GTF2E2: variants seen among roughly 807,000 people sequenced by gnomAD.
GTF2E2 encodes the protein general transcription factor IIE subunit 2.
A neutral mutation model predicts 40.5 loss-of-function variants in GTF2E2; 21 were observed. The ratio of observed to expected loss-of-function variants is 0.52; its 90% CI spans 0.37 to 0.75. GTF2E2 has a LOEUF of 0.75. Ranked by LOEUF, GTF2E2 falls within the 30% of genes least tolerant of loss-of-function variation. The pLI, the probability that GTF2E2 is intolerant of heterozygous loss-of-function variation, is 0.00. For missense variants in GTF2E2, 298 were observed against 338.4 expected (o/e 0.88, Z 0.94); for synonymous variants, 117 against 121.6 (o/e 0.96, Z 0.25).
intron 6 of GTF2E2, among the ~76,000 whole-genome samples, chr8:30,587,391 C>A (rs1406106532): frequency 9.5e-5 from 14 of 147,434 alleles, no homozygotes; most frequent in African/African-American, 3.5e-4. Context: ...ACAATCTGGG[C>A]AACAAAATGA....
chr8:30,589,689 C>G (rs978080388), intron 6 of GTF2E2, among the ~76,000 whole-genome samples: 2 of 152,220 alleles, frequency 1.3e-5, no homozygotes, highest in Non-Finnish European at 2.9e-5. Context: ...GACCTGCTAT[C>G]TGGACATCTG....
At chr8:30,651,232 C>T (rs893692043) in intron 2 of GTF2E2, among the ~76,000 whole-genome samples, 13 of 151,572 alleles carry the variant, frequency 8.6e-5, no homozygotes, top group Non-Finnish European at 1.9e-4. Flanking sequence ...AAGTTCACAC[C>T]GGAAAGAAAG....
intron 6 of GTF2E2, among the ~76,000 whole-genome samples, chr8:30,590,927 A>G (rs575129814): frequency 4.6e-5 from 7 of 152,164 alleles, no homozygotes; most frequent in African/African-American, 1.7e-4. Context: ...CTAACCTCGG[A>G]TGATCCACCT....
In GTF2E2 at chr8:30,629,050, ACATTC is replaced by A. The variant is rs760356349; in HGVS notation, c.258+5977_258+5981del. ...TAATTTTCAAATATTAACCACTCAT[ACATTC>A]CTAAACTTTACTCCATCACAATGTA... is the stretch of plus-strand genomic sequence containing the variant. On this transcript the variant is annotated intron_variant, in intron 3 of 7. Coordinates refer to ENST00000355904, the MANE Select transcript of GTF2E2 (RefSeq NM_002095.6). 4.5e-4 allele frequency among the ~76,000 whole-genome samples: 69 copies of A among 152,294 alleles called. 1 individual carries two copies. Among genetic ancestry groups the A allele is most frequent in the African/African-American group, 1.6e-3 (68 of 41,550 alleles).
chr8:30,656,585 G>A (rs1023280787), intron 1 of GTF2E2, among the ~76,000 whole-genome samples: 1 of 152,162 alleles, frequency 6.6e-6, no homozygotes, highest in Non-Finnish European at 1.5e-5. Flanking sequence ...GAGGAGGGCG[G>A]ATCACGAGGT....
At chr8:30,654,986 A>AT (rs1183882815) in intron 1 of GTF2E2, among the ~76,000 whole-genome samples, 3 of 152,152 alleles carry the variant, frequency 2.0e-5, no homozygotes, top group African/African-American at 7.2e-5. Flanking sequence ...CATGTCTGTA[A>AT]TCCCAGCACT....
At chr8:30,600,352 A>G (rs1341499159) in intron 6 of GTF2E2, among the ~76,000 whole-genome samples, 2 of 152,176 alleles carry the variant, frequency 1.3e-5, no homozygotes, top group Non-Finnish European at 2.9e-5. Flanking sequence ...GTACTATTTT[A>G]TTTTTCCGAT....
chr8:30,623,680 G>A (rs1036718480), intron 3 of GTF2E2, among the ~76,000 whole-genome samples: 29 of 151,966 alleles, frequency 1.9e-4, no homozygotes, highest in Non-Finnish European at 1.8e-4. Context: ...AGCACCTGTT[G>A]TTTCCTGACT....
At chr8:30,590,159 T>C (rs1828803770) in intron 6 of GTF2E2, among the ~76,000 whole-genome samples, 1 of 152,198 alleles carries the variant, frequency 6.6e-6, no homozygotes, top group Non-Finnish European at 1.5e-5. Flanking sequence ...TTCCCAGGAA[T>C]ATCATAAACA....
At chr8:30,620,295 CCTTT>C (rs1438495875) in intron 3 of GTF2E2, among the ~76,000 whole-genome samples, 2 of 151,820 alleles carry the variant, frequency 1.3e-5, no homozygotes, top group Non-Finnish European at 2.9e-5. Context: ...CACATTCATT[CCTTT>C]GAGATCTATA....
intron 6 of GTF2E2, among the ~76,000 whole-genome samples, chr8:30,599,415 T>C (rs1404451542): frequency 6.6e-6 from 1 of 151,934 alleles, no homozygotes; most frequent in Non-Finnish European, 1.5e-5. Context: ...CTGTCTCTAC[T>C]AAAAACACAA....
chr8:30,635,548 A>T (rs548416333), intron 2 of GTF2E2, among the ~76,000 whole-genome samples: 112 of 151,932 alleles, frequency 7.4e-4, no homozygotes, highest in African/African-American at 2.6e-3. Flanking sequence ...ATGCCTGGCT[A>T]ATTTTTTTAT....
At chr8:30,648,511 T>C (rs1042049967) in intron 2 of GTF2E2, among the ~76,000 whole-genome samples, 1 of 152,200 alleles carries the variant, frequency 6.6e-6, no homozygotes, top group Non-Finnish European at 1.5e-5. Flanking sequence ...TATTTCCAGC[T>C]CTCTTCATTA....
chr8:30,579,013 G>T lies in GTF2E2; in HGVS notation c.784C>A (p.Pro262Thr), dbSNP rs769080148. 6.2e-7 allele frequency: 1 copy of T among 1,603,266 alleles called. No homozygotes were observed. Among genetic ancestry groups the T allele is most frequent in the South Asian group, 1.1e-5 (1 of 90,858 alleles). Reference protein sequence around the residue: ...KVAPIQRRKKPASQKKRRFKT... With the variant: ...KVAPIQRRKKTASQKKRRFKT... ...AAGCGTCGCTTTTTCTGTGAAGCAG[G>T]CTTTTTCCTTCTCTGAATAGGGGCC... Residue 262 changes from proline to threonine, a missense_variant, in exon 8 of 8, where the codon CCT (proline) becomes ACT (threonine). Transcript: ENST00000355904.
At chr8:30,617,751 CAAA>C (rs397957917) in intron 3 of GTF2E2, among the ~76,000 whole-genome samples, 2 of 116,774 alleles carry the variant, frequency 1.7e-5, no homozygotes, top group Admixed American at 8.9e-5. Context: ...GATCTTGTCT[CAAA>C]AAAAAAAAAA....
chr8:30,632,252 ATTCT>A (rs1350739455), intron 3 of GTF2E2, among the ~76,000 whole-genome samples: 1 of 152,084 alleles, frequency 6.6e-6, no homozygotes, highest in Non-Finnish European at 1.5e-5. Context: ...AATTACTGTA[ATTCT>A]TTTTCAGTCA....
chr8:30,640,698 T>C (rs1801785167), intron 2 of GTF2E2, among the ~76,000 whole-genome samples: 2 of 152,166 alleles, frequency 1.3e-5, no homozygotes, highest in Admixed American at 6.5e-5. Context: ...AAAATCCTAA[T>C]GATGTATTTC....
chr8:30,625,861 A>T (rs906439001), intron 3 of GTF2E2, among the ~76,000 whole-genome samples: 3 of 152,162 alleles, frequency 2.0e-5, no homozygotes, highest in African/African-American at 7.2e-5. Context: ...AGCCTCCCAA[A>T]GTGCTAGGAT....
intron 6 of GTF2E2, among the ~76,000 whole-genome samples, chr8:30,586,903 T>A (rs1245018465): frequency 6.6e-6 from 1 of 151,982 alleles, no homozygotes; most frequent in Non-Finnish European, 1.5e-5. Flanking sequence ...CCTGTGAAAA[T>A]ACTACAAGAA....
Sources: gnomAD v4.1 joint callset for allele counts (sites outside exome capture counted in the v4.1 genomes callset) on GRCh38, gnomAD v4.1.1 for gene constraint, MANE v1.5 for transcripts, NCBI Gene and HGNC (gene_info 2026-07-23, HGNC 2026-07-21) for gene names.